The following MDN1 variants were observed in gnomAD, a reference collection of about 807,000 sequenced individuals.
The protein encoded by MDN1 is midasin AAA ATPase 1.
In MDN1, 266 loss-of-function variants were observed where a neutral mutation model predicts 669.2. The ratio of observed to expected loss-of-function variants is 0.40; its 90% confidence interval spans 0.36 to 0.44. MDN1 has a LOEUF of 0.44. MDN1 is among the 20% of genes least tolerant of loss of function. The probability of loss-of-function intolerance (pLI) is 1.00; values close to 1 mark genes in which losing one functional copy is unlikely to be tolerated. For missense variants in MDN1, 5,940 were observed against 6,754.0 expected (o/e 0.88, Z 4.22); for synonymous variants, 2,385 against 2,457.1 (o/e 0.97, Z 0.87).
Position 89,723,629 on chromosome 6 carries a change from C to CA in MDN1, c.5671-11dup. 6.8e-7 allele frequency: 1 copy of CA among 1,460,822 alleles called. No homozygotes were observed. The highest frequency in any genetic ancestry group is 1.3e-5 in the South Asian group (1 of 78,090). The allele number at this position is 1,460,822 out of a possible 1,614,324, so 90.5% of individuals were successfully genotyped here. ...GGGGATCAACGAAGACCTAGAAATC[C>CA]AAAAATAATATGAAGAAATGCCTTT... On this transcript the variant is annotated splice_polypyrimidine_tract_variant and intron_variant, in intron 38 of 101. Transcript: ENST00000369393.
Position 89,658,629 on chromosome 6 carries a change from TCAGCAGGGC to T in MDN1, c.14993_15001del (p.Gly4998_Ala5000del), listed in dbSNP as rs768397232. Reference sequence around the variant, plus strand: ...TGATACCTGGGGCTGGAAACCTTGGTCAGCAGGGCCATTCTCTCCACCTTCTTCATCGGC... The same window carrying T: ...TGATACCTGGGGCTGGAAACCTTGGTCATTCTCTCCACCTTCTTCATCGGC... On this transcript the variant is annotated inframe_deletion, in exon 89 of 102. Coordinates refer to ENST00000369393, the MANE Select transcript of MDN1 (RefSeq NM_014611.3). 3 of 1,607,636 alleles carry T rather than the reference TCAGCAGGGC, an allele frequency of 1.9e-6. No homozygotes were observed. In the East Asian group the frequency reaches 6.7e-5, roughly 36 times the overall value.
intron 38 of MDN1, 136 bp downstream of exon 38, chr6:89,725,063 T>A: frequency 1.3e-6 from 1 of 766,686 alleles, no homozygotes; most frequent in South Asian, 1.8e-5. Flanking sequence ...TTAATATTGA[T>A]CATATAAGGA....
chr6:89,743,084 A>G (rs1816376050), intron 31 of MDN1, 66 bp downstream of exon 31: 7 of 1,581,630 alleles, frequency 4.4e-6, no homozygotes, highest in Non-Finnish European at 6.0e-6. Context: ...ACACTGTCTC[A>G]GGGAGAAAAA....
Position 89,690,039 on chromosome 6 carries a change from A to G in MDN1, c.10854T>C (p.Asn3618=), listed in dbSNP as rs1238972330. Residue 3618 remains asparagine (N), a synonymous_variant, in exon 65 of 102, where the codon AAT becomes AAC. Transcript: ENST00000369393. ...GTATCAGCATTACTGCCTGCATTGA[A>G]TTCTGGGAGAGGAGAGCTGGGTTTG... ...AGTNPALLSQ[N]SMQAVMLIHQ... 6.2e-7 allele frequency: 1 copy of G among 1,614,112 alleles called. No homozygotes were observed. The highest frequency in any genetic ancestry group is 8.5e-7 in the Non-Finnish European group (1 of 1,180,046).
At chr6:89,658,568 C>T in intron 89 of MDN1, 42 bp downstream of exon 89, 2 of 1,572,174 alleles carry the variant, frequency 1.3e-6, no homozygotes, top group East Asian at 4.5e-5. Flanking sequence ...TTCTCCTCTT[C>T]CTCATTATTT....
At chr6:89,783,729 C>T (rs963448656) in intron 9 of MDN1, among the ~76,000 whole-genome samples, 1 of 152,116 alleles carries the variant, frequency 6.6e-6, no homozygotes, top group Non-Finnish European at 1.5e-5. Flanking sequence ...TATGTGATGC[C>T]ACCCCAGACA....
intron 86 of MDN1, among the ~76,000 whole-genome samples, chr6:89,662,508 A>G (rs1327117845): frequency 6.6e-6 from 1 of 152,180 alleles, no homozygotes; most frequent in African/African-American, 2.4e-5. Context: ...AGTTCTCCCA[A>G]GCTGGGAGCT....
chr6:89,668,769 A>G (rs373407609), intron 83 of MDN1, among the ~76,000 whole-genome samples: 2 of 152,264 alleles, frequency 1.3e-5, no homozygotes, highest in Non-Finnish European at 2.9e-5. Context: ...GGTTACACAG[A>G]AACAGCTTCC....
Position 89,754,133 on chromosome 6 carries a change from G to A in MDN1, c.2914C>T (p.Arg972Ter). ...YSLRTLCRAL[R>*]FAASNPCGNI... ...CCACATGGATTGGAGGCTGCAAATCGCAGGGCCCGGCACAGAGTCCGAAGG... is the reference window on the plus strand; with the variant it reads ...CCACATGGATTGGAGGCTGCAAATCACAGGGCCCGGCACAGAGTCCGAAGG... Residue 972 changes from arginine to a stop codon, truncating the protein, a stop_gained, in exon 21 of 102, where the codon CGA (arginine) becomes TGA (stop). Transcript: ENST00000369393. LOFTEE classifies it high-confidence loss of function. The A allele has an allele frequency of 2.5e-6, 4 of 1,614,020 alleles. No homozygotes were observed. Among genetic ancestry groups the A allele is most frequent in the Non-Finnish European group, 2.5e-6 (3 of 1,179,960 alleles).
rs1239631357 is a variant in MDN1, at chr6:89,661,576, C to T, written c.14568G>A (p.Arg4856=). 6.2e-7 allele frequency: 1 copy of T among 1,612,402 alleles called. No individual in the cohort carries two copies. The highest frequency in any genetic ancestry group is 1.7e-5 in the Admixed American group (1 of 59,526). The change falls in exon 88 of 102, where the codon AGG becomes AGA. Residue 4856 remains arginine, a splice_region_variant and synonymous_variant. Transcript: ENST00000369393. ...GGTCCACCTCATTTTCATCATAGTCCCTCTTTGGGACAATGGAGACAACAG... is the reference window on the plus strand; with the variant it reads ...GGTCCACCTCATTTTCATCATAGTCTCTCTTTGGGACAATGGAGACAACAG... ...EDKINEQIDE[R]DYDENEVDPY...
At chr6:89,648,446 G>T in intron 97 of MDN1, 117 bp from the exon 98 acceptor site, 1 of 895,138 alleles carries the variant, frequency 1.1e-6, no homozygotes, top group South Asian at 1.5e-5. Context: ...GGCAAGTAGA[G>T]GAATAACATC....
intron 98 of MDN1, 43 bp from the exon 99 acceptor site, chr6:89,648,189 C>T: frequency 6.2e-7 from 1 of 1,606,760 alleles, no homozygotes; most frequent in Non-Finnish European, 8.5e-7. Context: ...TATTTTTTGG[C>T]TGTGTGATCA....
At chr6:89,766,874 G>A (rs1817825657) in intron 15 of MDN1, among the ~76,000 whole-genome samples, 1 of 152,120 alleles carries the variant, frequency 6.6e-6, no homozygotes, top group Non-Finnish European at 1.5e-5. Flanking sequence ...AGGAAGATGA[G>A]GATTGGCTGC....
In MDN1 at chr6:89,658,840, C is replaced by A. The variant is rs535630056; in HGVS notation, c.14791G>T (p.Asp4931Tyr). The A allele has an allele frequency of 4.3e-6, 7 of 1,614,044 alleles. No homozygotes were observed. The highest frequency in any genetic ancestry group is 1.3e-5 in the African/African-American group (1 of 74,912). The part of the protein sequence containing the change: ...EAEERGETET[D>Y]QNESQSPQEP... Reference sequence around the variant, plus strand: ...TGTGGACTCTGACTTTCGTTCTGGTCGGTCTCGGTCTCTCCTCTTTCCTCA... The same window carrying A: ...TGTGGACTCTGACTTTCGTTCTGGTAGGTCTCGGTCTCTCCTCTTTCCTCA... The change falls in exon 89 of 102, where the codon GAC becomes TAC. Residue 4931 changes from aspartate (D) to tyrosine (Y), a missense_variant. Asp to Tyr is a radical substitution (Grantham distance 160, BLOSUM62 -3). Around this residue, in one of 5 missense-constraint regions of MDN1, gnomAD observed 2,280 missense variants for 2,576.3 expected, o/e 0.88. Transcript: ENST00000369393.
At position 89,712,786 on chromosome 6, in the gene MDN1, GC is replaced by G; in HGVS notation, c.7219-1del. ...TGTTTCTCCAGTAAAGCCTGTACAAGCTGGTAGGAGACAAAAACACAATACA... is the reference window on the plus strand; with the variant it reads ...TGTTTCTCCAGTAAAGCCTGTACAAGTGGTAGGAGACAAAAACACAATACA... On this transcript the variant is annotated splice_acceptor_variant, in intron 47 of 101. Transcript: ENST00000369393. LOFTEE classifies it high-confidence loss of function. 1.2e-6 allele frequency: 2 copies of G among 1,613,788 alleles called. No homozygotes were observed. The highest frequency in any genetic ancestry group is 1.7e-6 in the Non-Finnish European group (2 of 1,179,736).
At chr6:89,699,206 T>A (rs1448004235) in intron 58 of MDN1, among the ~76,000 whole-genome samples, 171 bp from the exon 59 acceptor site, 1 of 152,184 alleles carries the variant, frequency 6.6e-6, no homozygotes, top group Non-Finnish European at 1.5e-5. Flanking sequence ...ATGTGACATG[T>A]TTACAGTTTT....
intron 2 of MDN1, among the ~76,000 whole-genome samples, chr6:89,801,364 A>G (rs1444436652): frequency 6.6e-6 from 1 of 152,212 alleles, no homozygotes; most frequent in Non-Finnish European, 1.5e-5. Flanking sequence ...AAAAAATACA[A>G]AAGTTAGGCC....
rs533679048 is a variant in MDN1 at position 89,804,878 on chromosome 6, CAA to C, written c.103-1326_103-1325del. Among the ~76,000 whole-genome samples, 25 of 150,684 alleles carry C rather than the reference CAA, an allele frequency of 1.7e-4. No individual in the cohort carries two copies. The South Asian group carries it at 4.7e-3, about 28-fold the overall frequency. ...TGAAACCCTGTCTCTACTAAAAATACAAAAAAAATTAGCTGGGCGAGGTGGCA... is the reference window on the plus strand; with the variant it reads ...TGAAACCCTGTCTCTACTAAAAATACAAAAAATTAGCTGGGCGAGGTGGCA... On this transcript the variant is annotated intron_variant, in intron 1 of 101. Transcript: ENST00000369393.
chr6:89,691,079 A>G (rs907076298), intron 63 of MDN1, among the ~76,000 whole-genome samples: 2 of 152,156 alleles, frequency 1.3e-5, no homozygotes, highest in African/African-American at 4.8e-5. Flanking sequence ...GAAGGTGTAA[A>G]ACTTGCCACA....
Sources: gnomAD v4.1 joint callset for allele counts (sites outside exome capture counted in the v4.1 genomes callset) on GRCh38, gnomAD v4.1.1 for gene constraint, gnomAD v4.1.1 regional missense constraint, MANE v1.5 for transcripts, NCBI Gene and HGNC (gene_info 2026-07-23, HGNC 2026-07-21) for gene names.